The following CHLSN variants were observed in gnomAD, a reference collection of about 807,000 sequenced individuals.
CHLSN encodes the protein protein cholesin.
chr7:1,073,067 T>C, the CHLSN span, among the ~76,000 whole-genome samples: 1 of 152,174 alleles, frequency 6.6e-6, no homozygotes, highest in Non-Finnish European at 1.5e-5. Context: ...AACGTTCCCT[T>C]ACTGTCATTC....
At chr7:1,107,965 G>A in the CHLSN span, among the ~76,000 whole-genome samples, 2 of 128,976 alleles carry the variant, frequency 1.6e-5, no homozygotes, top group African/African-American at 7.0e-5. Flanking sequence ...GAGGGGGGCT[G>A]TGTCCCGCAC....
At chr7:1,103,224 C>T in the CHLSN span, among the ~76,000 whole-genome samples, 1 of 152,202 alleles carries the variant, frequency 6.6e-6, no homozygotes, top group Admixed American at 6.5e-5. Flanking sequence ...CCTCCCACGC[C>T]CGACCCTGTG....
the CHLSN span, among the ~76,000 whole-genome samples, chr7:1,136,780 G>C: frequency 1.3e-5 from 2 of 151,606 alleles, no homozygotes; most frequent in Non-Finnish European, 2.9e-5. Context: ...ACAAACCTGA[G>C]CTTCCTAGTG....
chr7:1,102,859 A>G, the CHLSN span, among the ~76,000 whole-genome samples: 1 of 152,266 alleles, frequency 6.6e-6, no homozygotes, highest in African/African-American at 2.4e-5. Flanking sequence ...TTCAGTAAGA[A>G]AAAGGACAGC....
At chr7:1,054,402 T>G in the CHLSN span, among the ~76,000 whole-genome samples, 1 of 152,180 alleles carries the variant, frequency 6.6e-6, no homozygotes, top group African/African-American at 2.4e-5. Context: ...TAAACAAAAA[T>G]GCACACAGGA....
the CHLSN span, among the ~76,000 whole-genome samples, chr7:1,098,653 CG>C: frequency 8.9e-5 from 13 of 146,406 alleles, no homozygotes; most frequent in African/African-American, 3.2e-4. Context: ...AAAGCAGACA[CG>C]AGTGGAGCTG....
At chr7:1,050,188 C>A in the CHLSN span, among the ~76,000 whole-genome samples, 1 of 152,252 alleles carries the variant, frequency 6.6e-6, no homozygotes, top group African/African-American at 2.4e-5. Flanking sequence ...CCTGTCCTTT[C>A]CCAGCCTGCC....
At chr7:1,002,766 G>A in the CHLSN span, among the ~76,000 whole-genome samples, 3 of 96,122 alleles carry the variant, frequency 3.1e-5, no homozygotes, top group Non-Finnish European at 6.3e-5. Flanking sequence ...TGGGTGGGGA[G>A]TCCTTGGGTG....
At chr7:1,124,861 C>T in the CHLSN span, among the ~76,000 whole-genome samples, 12 of 152,194 alleles carry the variant, frequency 7.9e-5, no homozygotes, top group Non-Finnish European at 1.5e-4. Flanking sequence ...CCTGCTGACC[C>T]GCTGCGCGGG....
chr7:1,132,358 G>A, the CHLSN span, among the ~76,000 whole-genome samples: 8 of 152,028 alleles, frequency 5.3e-5, no homozygotes, highest in Non-Finnish European at 1.0e-4. Context: ...GACCAGTCCC[G>A]GCCACACAGC....
the CHLSN span, among the ~76,000 whole-genome samples, chr7:999,628 G>T: frequency 3.3e-5 from 5 of 152,230 alleles, no homozygotes; most frequent in African/African-American, 4.8e-5. Context: ...TGCAGGCTAT[G>T]CCTGGAATGT....
At chr7:1,115,418 G>A in the CHLSN span, among the ~76,000 whole-genome samples, 1 of 152,218 alleles carries the variant, frequency 6.6e-6, no homozygotes, top group Admixed American at 6.5e-5. Flanking sequence ...GAAATCAGGA[G>A]GCGCTCCCCA....
the CHLSN span, among the ~76,000 whole-genome samples, chr7:1,040,382 G>A: frequency 6.6e-6 from 1 of 151,772 alleles, no homozygotes; most frequent in African/African-American, 2.4e-5. Flanking sequence ...GTACTCCCAG[G>A]TACTCAGGAG....
At chr7:1,054,483 G>A in the CHLSN span, among the ~76,000 whole-genome samples, 6 of 152,212 alleles carry the variant, frequency 3.9e-5, no homozygotes, top group East Asian at 1.9e-4. Flanking sequence ...GCACGCACTC[G>A]AGAGCCGGTT....
chr7:1,009,060 C>A, the CHLSN span, among the ~76,000 whole-genome samples: 1 of 152,180 alleles, frequency 6.6e-6, no homozygotes, highest in African/African-American at 2.4e-5. Flanking sequence ...TACACGTGCA[C>A]GTGCACGCAG....
chr7:1,092,705 T>C, the CHLSN span: 1 of 1,613,470 alleles, frequency 6.2e-7, no homozygotes, highest in Non-Finnish European at 8.5e-7. Context: ...ATCTACAGCT[T>C]TCTCGGGGAG....
At chr7:1,095,321 G>C in the CHLSN span, among the ~76,000 whole-genome samples, 1 of 142,732 alleles carries the variant, frequency 7.0e-6, no homozygotes, top group Non-Finnish European at 1.5e-5. Flanking sequence ...CAATACCCAG[G>C]ACAGTCACGC....
At chr7:1,011,825 G>A in the CHLSN span, among the ~76,000 whole-genome samples, 125 of 152,248 alleles carry the variant, frequency 8.2e-4, no homozygotes, top group East Asian at 0.021. Context: ...CCTGGGGGAC[G>A]AGGAGCACCG....
chr7:1,099,372 G>A, the CHLSN span, among the ~76,000 whole-genome samples: 1 of 152,260 alleles, frequency 6.6e-6, no homozygotes, highest in East Asian at 1.9e-4. Context: ...CCACGGGGAC[G>A]CCAGCCCAAC....
Sources: gnomAD v4.1 joint callset for allele counts (sites outside exome capture counted in the v4.1 genomes callset) on GRCh38, gnomAD v4.1.1 for gene constraint, MANE v1.5 for transcripts, NCBI Gene and HGNC (gene_info 2026-07-23, HGNC 2026-07-21) for gene names.